Variants in ADAM23 observed in about 807,000 individuals in gnomAD.
ADAM23 encodes ADAM metallopeptidase domain 23.
ADAM23 carries 33 observed loss-of-function variants against 120.1 expected under a neutral mutation model. That is an observed-to-expected ratio of 0.27 (90% CI 0.21 to 0.37). The LOEUF (loss-of-function observed/expected upper bound fraction) is 0.37, where lower values mean the gene tolerates loss of function less well. Ranked by LOEUF, ADAM23 falls within the 10% of genes least tolerant of loss-of-function variation. ADAM23 has a pLI of 1.00. For synonymous variants in ADAM23, 367 were observed against 375.2 expected (o/e 0.98, Z 0.25); for missense variants, 862 against 1,058.2 (o/e 0.81, Z 2.57).
At chr2:206,569,534 A>G (rs72956621) in intron 15 of ADAM23, among the ~76,000 whole-genome samples, 9,789 of 152,204 alleles carry the variant, frequency 0.064, 402 homozygotes, top group Admixed American at 0.14. Context: ...TGCTTTAGGA[A>G]TCTTCCCCAC....
intron 6 of ADAM23, among the ~76,000 whole-genome samples, chr2:206,545,760 T>C (rs1181471067): frequency 6.6e-6 from 1 of 152,198 alleles, no homozygotes; most frequent in Non-Finnish European, 1.5e-5. Flanking sequence ...GTTATTTATC[T>C]CACTCCAGTA....
At chr2:206,503,196 G>A (rs1267911521) in intron 3 of ADAM23, among the ~76,000 whole-genome samples, 2 of 152,114 alleles carry the variant, frequency 1.3e-5, no homozygotes. Flanking sequence ...CTCCTCTTGA[G>A]CAAAGCATGA....
chr2:206,554,447 A>G (rs1358346624), intron 9 of ADAM23, among the ~76,000 whole-genome samples: 1 of 152,226 alleles, frequency 6.6e-6, no homozygotes, highest in Admixed American at 6.5e-5. Context: ...TGTTTTGCGT[A>G]CGTGTTTTGC....
chr2:206,499,271 A>T (rs1411272455), intron 3 of ADAM23, among the ~76,000 whole-genome samples: 1 of 152,080 alleles, frequency 6.6e-6, no homozygotes, highest in Non-Finnish European at 1.5e-5. Flanking sequence ...GATAGACTGG[A>T]TTAAGAAAAT....
intron 24 of ADAM23, among the ~76,000 whole-genome samples, chr2:206,603,500 G>A (rs1698676610): frequency 6.6e-6 from 1 of 152,224 alleles, no homozygotes. Flanking sequence ...CAAAGTAATG[G>A]GAGGGAGAGA....
rs116714642 is a variant in ADAM23 at position 206,570,340 on chromosome 2, T to C, written c.1495-400T>C. ...AGCATATTTATCTTTTTGACAGTTT[T>C]TATGGCTTCTCAGCTGTCTTGAGAC... On this transcript the variant is annotated intron_variant, in intron 15 of 25. Coordinates refer to ENST00000264377, the MANE Select transcript of ADAM23 (RefSeq NM_003812.4). Among the ~76,000 whole-genome samples the C allele has an allele frequency of 3.3e-3, 508 of 152,326 alleles. 3 individuals are homozygous for C. Among genetic ancestry groups the C allele is most frequent in the African/African-American group, 0.011 (477 of 41,578 alleles).
intron 2 of ADAM23, among the ~76,000 whole-genome samples, chr2:206,446,449 C>G (rs1429969058): frequency 6.6e-6 from 1 of 152,142 alleles, no homozygotes; most frequent in Non-Finnish European, 1.5e-5. Context: ...AATTAACTGT[C>G]TAAACATCTA....
In ADAM23 at chr2:206,596,066, G is replaced by T; in HGVS notation, c.2263G>T (p.Ala755Ser). ...CSGHGVCSNE[A>S]TCICDFTWAG... ...TTCTTCACAGGTGTGTAGTAATGAA[G>T]CCACCTGCATTTGTGATTTCACCTG... Residue 755 changes from alanine to serine, a missense_variant, in exon 24 of 26, where the codon GCC becomes TCC. By Grantham distance (99) the Ala-to-Ser change is moderately conservative. Around this residue, in one of 4 missense-constraint regions of ADAM23, gnomAD observed 617 missense variants for 813.5 expected, o/e 0.76. Coordinates refer to ENST00000264377, the MANE Select transcript of ADAM23 (RefSeq NM_003812.4). The T allele has an allele frequency of 6.2e-7, 1 of 1,613,746 alleles. No homozygotes were observed. Among genetic ancestry groups the T allele is most frequent in the Non-Finnish European group, 8.5e-7 (1 of 1,179,794 alleles).
At chr2:206,463,159 A>G (rs982153282) in intron 2 of ADAM23, among the ~76,000 whole-genome samples, 6 of 152,208 alleles carry the variant, frequency 3.9e-5, no homozygotes, top group Non-Finnish European at 8.8e-5. Flanking sequence ...ACACCTGTGA[A>G]TATGTTCTCT....
intron 4 of ADAM23, among the ~76,000 whole-genome samples, chr2:206,533,919 TGTTTAA>T (rs1657709757): frequency 6.6e-6 from 1 of 152,218 alleles, no homozygotes; most frequent in African/African-American, 2.4e-5. Context: ...CAATAGCTTT[TGTTTAA>T]GTTCCTACCA....
At chr2:206,477,897 A>AAAAAATATATAAATATATATATAT (rs374524658) in intron 2 of ADAM23, among the ~76,000 whole-genome samples, 1 of 93,604 alleles carries the variant, frequency 1.1e-5, no homozygotes, top group African/African-American at 5.2e-5. Context: ...AAAAAAAAAA[A>AAAAAATATATAAATATATATATAT]ATATATATAT....
chr2:206,517,836 T>C (rs1696766457), intron 3 of ADAM23, among the ~76,000 whole-genome samples: 1 of 152,204 alleles, frequency 6.6e-6, no homozygotes, highest in African/African-American at 2.4e-5. Context: ...ATGGACCATA[T>C]ACAGTTAATG....
chr2:206,483,695 A>C (rs773989310), intron 3 of ADAM23, among the ~76,000 whole-genome samples: 5 of 152,190 alleles, frequency 3.3e-5, no homozygotes, highest in Admixed American at 6.5e-5. Flanking sequence ...CTACTGGCAC[A>C]TGCTGTGGAA....
intron 2 of ADAM23, among the ~76,000 whole-genome samples, chr2:206,459,612 A>T (rs1238652247): frequency 2.0e-5 from 3 of 152,188 alleles, no homozygotes; most frequent in Non-Finnish European, 2.9e-5. Flanking sequence ...CAGAAAGCAT[A>T]ATCTCTTCCT....
intron 5 of ADAM23, 115 bp from the exon 6 acceptor site, chr2:206,543,138 G>C: frequency 1.1e-6 from 1 of 880,490 alleles, no homozygotes; most frequent in Non-Finnish European, 1.8e-6. Flanking sequence ...AGTGTAAAGG[G>C]ATTTGTTCAG....
At chr2:206,549,669 CTT>C (rs1488217929) in intron 8 of ADAM23, among the ~76,000 whole-genome samples, 3 of 151,854 alleles carry the variant, frequency 2.0e-5, no homozygotes, top group Non-Finnish European at 4.4e-5. Flanking sequence ...GTAATTATAA[CTT>C]ATGCTATTCT....
intron 3 of ADAM23, among the ~76,000 whole-genome samples, chr2:206,483,762 A>C (rs1695945603): frequency 6.6e-6 from 1 of 152,182 alleles, no homozygotes; most frequent in Non-Finnish European, 1.5e-5. Context: ...TTGAGCAGTC[A>C]CCGGTGGTTG....
At chr2:206,585,240 C>G (rs1325086915) in intron 18 of ADAM23, among the ~76,000 whole-genome samples, 1 of 152,130 alleles carries the variant, frequency 6.6e-6, no homozygotes, top group Non-Finnish European at 1.5e-5. Flanking sequence ...CGCCATGATC[C>G]CGATCACTGG....
At chr2:206,500,152 G>A (rs1448770438) in intron 3 of ADAM23, among the ~76,000 whole-genome samples, 1 of 152,052 alleles carries the variant, frequency 6.6e-6, no homozygotes, top group Non-Finnish European at 1.5e-5. Flanking sequence ...CTAGCTTAAT[G>A]CCTTGTTGTG....
Sources: allele counts gnomAD v4.1 joint callset (sites outside exome capture counted in the v4.1 genomes callset), GRCh38; gene constraint gnomAD v4.1.1; regional missense constraint gnomAD v4.1.1; transcripts MANE v1.5; gene names NCBI Gene and HGNC (gene_info 2026-07-23, HGNC 2026-07-21).